The following PRELID3A variants were observed in gnomAD, a reference collection of about 807,000 sequenced individuals.
The protein encoded by PRELID3A is PRELI domain containing 3A.
In PRELID3A, 27 loss-of-function variants were observed where a neutral mutation model predicts 23.0. That is an observed-to-expected ratio of 1.17 (90% CI 0.87 to 1.62). PRELID3A has a LOEUF of 1.62. PRELID3A is among the 40% of genes most tolerant of loss of function. The pLI is 0.00. For missense variants in PRELID3A, 231 were observed against 231.4 expected (o/e 1.00, Z 0.01); for synonymous variants, 87 against 86.4 (o/e 1.01, Z -0.04).
rs144022758 is a variant in PRELID3A at position 12,422,893 on chromosome 18, T to C, written c.291+1264T>C. Among the ~76,000 whole-genome samples, 131 of 152,304 alleles carry C rather than the reference T, an allele frequency of 8.6e-4. 1 individual carries two copies. The highest frequency in any genetic ancestry group is 3.0e-3 in the African/African-American group (126 of 41,562). On this transcript the variant is annotated intron_variant, in intron 3 of 6. Coordinates refer to ENST00000440960, the MANE Select transcript of PRELID3A (RefSeq NM_001142405.2). ...CACTTTTCTGTCCCCAGTGCCATGGTTGGCTCTAGCCACCACTATTTACTG... is the reference window on the plus strand; with the variant it reads ...CACTTTTCTGTCCCCAGTGCCATGGCTGGCTCTAGCCACCACTATTTACTG...
chr18:12,425,496 G>GT (rs1474136027), intron 3 of PRELID3A, among the ~76,000 whole-genome samples: 1 of 151,644 alleles, frequency 6.6e-6, no homozygotes, highest in East Asian at 1.9e-4. Context: ...GCCAGGCATG[G>GT]TGGCGGGCGC....
intron 5 of PRELID3A, 127 bp downstream of exon 5, chr18:12,427,450 A>C: frequency 1.3e-6 from 1 of 760,814 alleles, no homozygotes. Flanking sequence ...TAATCCTAGC[A>C]CTTTGGGAGG....
At chr18:12,420,643 C>T in intron 2 of PRELID3A, 150 bp downstream of exon 2, 1 of 761,674 alleles carries the variant, frequency 1.3e-6, no homozygotes, top group East Asian at 3.6e-5. Context: ...TTCCTGAGAT[C>T]AGGGGGCGCG....
chr18:12,425,425 C>T (rs1389968953), intron 3 of PRELID3A, among the ~76,000 whole-genome samples: 1 of 145,306 alleles, frequency 6.9e-6, no homozygotes, highest in Non-Finnish European at 1.5e-5. Context: ...TCAAGACCAT[C>T]CTGGCTAACA....
intron 3 of PRELID3A, among the ~76,000 whole-genome samples, chr18:12,423,577 A>G (rs1214678968): frequency 6.6e-6 from 1 of 152,170 alleles, no homozygotes; most frequent in Non-Finnish European, 1.5e-5. Flanking sequence ...CTTGCTTTGC[A>G]CATCTTGAGT....
chr18:12,409,911 C>G (rs913813898), intron 1 of PRELID3A, among the ~76,000 whole-genome samples: 3 of 152,070 alleles, frequency 2.0e-5, no homozygotes, highest in African/African-American at 7.2e-5. Flanking sequence ...TTAAGTTTTG[C>G]TAAGTATGAC....
chr18:12,420,029 G>T, intron 1 of PRELID3A: 1 of 850,196 alleles, frequency 1.2e-6, no homozygotes, highest in South Asian at 2.8e-5. Context: ...TTGAGCCTGG[G>T]AGGTTTGAGT....
At chr18:12,408,062 C>T in intron 1 of PRELID3A, 55 bp downstream of exon 1, 3 of 1,233,510 alleles carry the variant, frequency 2.4e-6, no homozygotes, top group South Asian at 3.5e-5. Context: ...CTCCTGCTCC[C>T]GAGCCCGGCT....
intron 1 of PRELID3A, among the ~76,000 whole-genome samples, chr18:12,416,982 G>A (rs2029981607): frequency 1.3e-5 from 2 of 152,156 alleles, no homozygotes; most frequent in Admixed American, 1.3e-4. Flanking sequence ...GTGTGCTATT[G>A]ACTTGCTGTG....
chr18:12,414,557 C>T (rs1044286875), intron 1 of PRELID3A, among the ~76,000 whole-genome samples: 16 of 152,180 alleles, frequency 1.1e-4, no homozygotes, highest in Admixed American at 1.0e-3. Flanking sequence ...GAACCCCCAT[C>T]TCTACTAAAA....
At chr18:12,430,141 G>A (rs560623488) in intron 6 of PRELID3A, among the ~76,000 whole-genome samples, 3 of 152,216 alleles carry the variant, frequency 2.0e-5, no homozygotes, top group Non-Finnish European at 4.4e-5. Flanking sequence ...TTTTGCCTGA[G>A]TCACTGAAGC....
intron 1 of PRELID3A, among the ~76,000 whole-genome samples, chr18:12,415,787 T>TAG (rs896378410): frequency 6.6e-6 from 1 of 152,180 alleles, no homozygotes; most frequent in Non-Finnish European, 1.5e-5. Context: ...TGTTGGTGCT[T>TAG]AGAGAGTCCT....
At chr18:12,420,566 C>A in intron 2 of PRELID3A, 73 bp downstream of exon 2, 1 of 1,398,568 alleles carries the variant, frequency 7.2e-7, no homozygotes, top group Non-Finnish European at 9.4e-7. Context: ...CTCCCGCGTC[C>A]CTCCTCCCCT....
At chr18:12,421,751 G>A in intron 3 of PRELID3A, 122 bp downstream of exon 3, 1 of 636,870 alleles carries the variant, frequency 1.6e-6, no homozygotes, top group Non-Finnish European at 2.8e-6. Context: ...TTAACAGAAA[G>A]GCTGAATTCA....
chr18:12,420,950 C>G (rs12954094), intron 2 of PRELID3A, among the ~76,000 whole-genome samples: 4 of 152,272 alleles, frequency 2.6e-5, no homozygotes, highest in African/African-American at 9.6e-5. Context: ...TTAACCGCCT[C>G]TAAAGCCCAG....
At chr18:12,420,230 C>A in intron 1 of PRELID3A, 95 bp from the exon 2 acceptor site, 1 of 1,482,560 alleles carries the variant, frequency 6.7e-7, no homozygotes, top group African/African-American at 1.4e-5. Flanking sequence ...AAGAGACTAG[C>A]GCGTTGCCCA....
intron 1 of PRELID3A, among the ~76,000 whole-genome samples, chr18:12,415,165 A>G (rs1017023043): frequency 2.6e-5 from 4 of 151,866 alleles, no homozygotes; most frequent in Non-Finnish European, 5.9e-5. Flanking sequence ...CCTGGTCTCA[A>G]GTGAACTTCC....
chr18:12,416,830 A>G (rs2029973493), intron 1 of PRELID3A, among the ~76,000 whole-genome samples: 1 of 151,692 alleles, frequency 6.6e-6, no homozygotes. Flanking sequence ...TATTTTTAGT[A>G]GAGTCGGGGT....
chr18:12,419,740 G>T lies in PRELID3A; in HGVS notation c.33-585G>T, dbSNP rs191927139. Among the ~76,000 whole-genome samples the T allele has an allele frequency of 4.7e-3, 713 of 151,846 alleles. 2 individuals carry two copies. The highest frequency in any genetic ancestry group is 5.9e-3 in the Non-Finnish European group (399 of 67,906). On this transcript the variant is annotated intron_variant, in intron 1 of 6. Transcript: ENST00000440960. ...AGATCACGAGGTCAGGAGATCGAGA[G>T]CACGGTGAAACCCCCTCTCTACTAA...
Sources: allele counts gnomAD v4.1 joint callset (sites outside exome capture counted in the v4.1 genomes callset), GRCh38; gene constraint gnomAD v4.1.1; transcripts MANE v1.5; gene names NCBI Gene and HGNC (gene_info 2026-07-23, HGNC 2026-07-21).